The following RAP1B variants were observed in gnomAD, a reference collection of about 807,000 sequenced individuals.
RAP1B encodes the protein RAP1B, member of RAS oncogene family.
Under a neutral mutation model 27.5 loss-of-function variants are expected in RAP1B, and 1 was observed. The observed-to-expected ratio is 0.04, with a 90% CI of 0.01 to 0.17. The LOEUF is 0.17. Ranked by LOEUF, RAP1B falls within the 10% of genes least tolerant of loss-of-function variation. The pLI is 1.00. For missense variants in RAP1B, 84 were observed against 214.8 expected (o/e 0.39, Z 3.81); for synonymous variants, 75 against 73.1 (o/e 1.03, Z -0.13).
intron 2 of RAP1B, 55 bp downstream of exon 2, chr12:68,648,836 T>G (rs1402026975): frequency 3.4e-6 from 5 of 1,484,284 alleles, no homozygotes; most frequent in Non-Finnish European, 4.6e-6. Flanking sequence ...CTTTTTCTGT[T>G]GAGTTTTAGG....
At chr12:68,658,473 C>G (rs1874386861) in intron 7 of RAP1B, among the ~76,000 whole-genome samples, 1 of 152,148 alleles carries the variant, frequency 6.6e-6, no homozygotes, top group Non-Finnish European at 1.5e-5. Flanking sequence ...TCAACAGCCA[C>G]ATATGTATTA....
Position 68,656,399 on chromosome 12 carries a change from A to G in RAP1B, c.418A>G (p.Asn140Asp). ...QGQNLARQWN[N>D]CAFLESSAKS... ...TCAAAATCTAGCAAGACAATGGAAC[A>G]ACTGTGCATTCTTAGAATCTTCTGC... Residue 140 changes from asparagine to aspartate, a missense_variant, in exon 6 of 8, where the codon AAC becomes GAC. By Grantham distance (23) the Asn-to-Asp change is conservative. Coordinates refer to ENST00000250559, the MANE Select transcript of RAP1B (RefSeq NM_001010942.3). The G allele has an allele frequency of 3.1e-6, 5 of 1,611,240 alleles. No homozygotes were observed. The highest frequency in any genetic ancestry group is 4.2e-6 in the Non-Finnish European group (5 of 1,177,514).
chr12:68,641,329 AAC>A (rs1872987520), intron 1 of RAP1B, among the ~76,000 whole-genome samples: 1 of 152,134 alleles, frequency 6.6e-6, no homozygotes, highest in Non-Finnish European at 1.5e-5. Context: ...TTTCATTTCA[AAC>A]AGTTATGAAG....
rs1874880302 is a variant in RAP1B, at chr12:68,666,939, C to T, written c.*7690C>T. The T allele has an allele frequency of 6.6e-6, 1 of 152,100 alleles. No individual in the cohort carries two copies. The highest frequency in any genetic ancestry group is 2.1e-4 in the South Asian group (1 of 4,824). 9.4% of individuals were successfully genotyped at this position (152,100 alleles called of 1,614,324 possible). On this transcript the variant is annotated 3_prime_UTR_variant, in exon 8 of 8. Coordinates refer to ENST00000250559, the MANE Select transcript of RAP1B (RefSeq NM_001010942.3). ...TTAGGTGAGACTTTAATGAGTCCAT[C>T]AGAGGTTTAGTATGGACTAGTTCTA...
At chr12:68,613,355 T>G (rs1870749167) in intron 1 of RAP1B, among the ~76,000 whole-genome samples, 1 of 143,720 alleles carries the variant, frequency 7.0e-6, no homozygotes, top group Non-Finnish European at 1.5e-5. Flanking sequence ...TGCACTACTG[T>G]ACTGCAGCCT....
At chr12:68,640,332 T>A (rs892732659) in intron 1 of RAP1B, among the ~76,000 whole-genome samples, 1 of 152,092 alleles carries the variant, frequency 6.6e-6, no homozygotes, top group African/African-American at 2.4e-5. Flanking sequence ...TTCTCCATAC[T>A]GCTTATCACA....
chr12:68,657,825 AACACAC>A (rs201612273), intron 7 of RAP1B: 19 of 151,264 alleles, frequency 1.3e-4, no homozygotes, highest in Admixed American at 2.1e-4. Flanking sequence ...CCTAATTTAA[AACACAC>A]ACACACACAC....
At chr12:68,618,086 CTTTTTT>C (rs36224976) in intron 1 of RAP1B, among the ~76,000 whole-genome samples, 4 of 60,786 alleles carry the variant, frequency 6.6e-5, no homozygotes, top group African/African-American at 5.5e-5. Context: ...TTCTATAAAG[CTTTTTT>C]TTTTTTTTTT....
At chr12:68,653,711 A>G (rs1221989813) in intron 4 of RAP1B, among the ~76,000 whole-genome samples, 3 of 152,052 alleles carry the variant, frequency 2.0e-5, no homozygotes, top group African/African-American at 7.2e-5. Flanking sequence ...GGCAGATCAC[A>G]AGGTCAGGAG....
intron 1 of RAP1B, among the ~76,000 whole-genome samples, chr12:68,624,175 C>T (rs1297110278): frequency 6.6e-6 from 1 of 152,168 alleles, no homozygotes. Flanking sequence ...AATTGTTTGA[C>T]CCTGACTCAG....
intron 1 of RAP1B, among the ~76,000 whole-genome samples, chr12:68,647,377 T>TCCCCCCCCCCCCCCC (rs1873489897): frequency 9.2e-4 from 3 of 3,252 alleles, no homozygotes; most frequent in East Asian, 0.011. Flanking sequence ...TGCCCCCCAC[T>TCCCCCCCCCCCCCCC]CCACTCCCCG....
intron 1 of RAP1B, among the ~76,000 whole-genome samples, chr12:68,614,926 A>G (rs1870872971): frequency 6.6e-6 from 1 of 152,246 alleles, no homozygotes; most frequent in African/African-American, 2.4e-5. Flanking sequence ...AGATGAATTT[A>G]TCCATTTGCA....
At chr12:68,633,877 CAAAA>C (rs778183563) in intron 1 of RAP1B, among the ~76,000 whole-genome samples, 3 of 151,998 alleles carry the variant, frequency 2.0e-5, no homozygotes, top group Non-Finnish European at 2.9e-5. Context: ...CTCAAAAAAA[CAAAA>C]AAACTTAACA....
intron 1 of RAP1B, among the ~76,000 whole-genome samples, chr12:68,631,743 CCTT>C (rs984140395): frequency 1.1e-4 from 16 of 152,202 alleles, no homozygotes; most frequent in Middle Eastern, 3.4e-3. Flanking sequence ...TCTGATCTCT[CCTT>C]CTGAACTCCC....
At chr12:68,614,492 T>C (rs184056030) in intron 1 of RAP1B, among the ~76,000 whole-genome samples, 12 of 152,362 alleles carry the variant, frequency 7.9e-5, no homozygotes, top group Admixed American at 5.9e-4. Context: ...ACTGCTGTTT[T>C]ATAGCAGTGA....
At chr12:68,650,660 T>C (rs1297858799) in intron 3 of RAP1B, 192 bp downstream of exon 3, 2 of 411,838 alleles carry the variant, frequency 4.9e-6, no homozygotes, top group African/African-American at 2.1e-5. Context: ...TACTCTCACA[T>C]ATTCACAGAA....
chr12:68,640,442 C>T (rs1288262986), intron 1 of RAP1B, among the ~76,000 whole-genome samples: 2 of 152,088 alleles, frequency 1.3e-5, no homozygotes, highest in Non-Finnish European at 2.9e-5. Context: ...TATATTCCCA[C>T]TGCCTAGAAT....
In RAP1B at chr12:68,650,569, GTT is replaced by G. The variant is rs1422055838; in HGVS notation, c.126+102_126+103del. The G allele has an allele frequency of 3.8e-5, 40 of 1,049,316 alleles. No individual in the cohort carries two copies. The Middle Eastern group carries it at 1.4e-3, about 36-fold the overall frequency. 65.0% of individuals were successfully genotyped at this position (1,049,316 alleles called of 1,614,324 possible). A position where few individuals can be genotyped will look rare whatever the true frequency, so the allele number is the denominator to read the frequency against. Reference sequence around the variant, plus strand: ...GTTTTATACAAAGGATGGAGGCAGAGTTAATTTATAAAATTAGTGGGAAAAGT... The same window carrying G: ...GTTTTATACAAAGGATGGAGGCAGAGAATTTATAAAATTAGTGGGAAAAGT... On this transcript the variant is annotated intron_variant, in intron 3 of 7. Transcript: ENST00000250559.
chr12:68,634,412 T>A (rs1475313324), intron 1 of RAP1B, among the ~76,000 whole-genome samples: 1 of 152,172 alleles, frequency 6.6e-6, no homozygotes, highest in Non-Finnish European at 1.5e-5. Context: ...AAGCCTATAC[T>A]GAGTCAGTAT....
Sources: gnomAD v4.1 joint callset for allele counts (sites outside exome capture counted in the v4.1 genomes callset) on GRCh38, gnomAD v4.1.1 for gene constraint, MANE v1.5 for transcripts, NCBI Gene and HGNC (gene_info 2026-07-23, HGNC 2026-07-21) for gene names.